The following NPAS3 variants were observed in gnomAD, a reference collection of about 807,000 sequenced individuals.
The protein encoded by NPAS3 is neuronal PAS domain-containing protein 3.
In NPAS3, 14 loss-of-function variants were observed where a neutral mutation model predicts 73.1. That is an observed-to-expected ratio of 0.19 (90% CI 0.13 to 0.30). The LOEUF is 0.30. Among genes scored for constraint, NPAS3 ranks in the 10% least tolerant of loss-of-function variants. The probability of loss-of-function intolerance (pLI) is 1.00; values close to 1 mark genes in which losing one functional copy is unlikely to be tolerated. For synonymous variants in NPAS3, 620 were observed against 541.5 expected (o/e 1.14, Z -2.01); for missense variants, 1,096 against 1,250.0 (o/e 0.88, Z 1.86).
intron 4 of NPAS3, among the ~76,000 whole-genome samples, chr14:33,500,705 T>C (rs2052469851): frequency 6.6e-6 from 1 of 151,972 alleles, no homozygotes; most frequent in Admixed American, 6.6e-5. Context: ...ACCTCTTCAG[T>C]TGTGGGCTCT....
At chr14:33,077,778 T>TTTG (rs2041713634) in intron 2 of NPAS3, among the ~76,000 whole-genome samples, 1 of 147,320 alleles carries the variant, frequency 6.8e-6, no homozygotes, top group Admixed American at 6.8e-5. Context: ...GTAAGGGTTT[T>TTTG]TTTTTTTTTT....
At chr14:33,240,934 G>A (rs934818215) in intron 3 of NPAS3, among the ~76,000 whole-genome samples, 1 of 151,772 alleles carries the variant, frequency 6.6e-6, no homozygotes, top group East Asian at 1.9e-4. Flanking sequence ...TGCCATTTGT[G>A]AATATAATTG....
At chr14:33,215,545 A>C in intron 3 of NPAS3, 119 bp downstream of exon 3, 3 of 1,140,044 alleles carry the variant, frequency 2.6e-6, no homozygotes, top group Non-Finnish European at 4.0e-6. Context: ...AGGGATACAA[A>C]TGTGGAAATC....
chr14:33,533,877 C>T (rs1262825795), intron 4 of NPAS3, among the ~76,000 whole-genome samples: 1 of 151,920 alleles, frequency 6.6e-6, no homozygotes, highest in Non-Finnish European at 1.5e-5. Context: ...ATGTCATATA[C>T]ACATGTATAT....
chr14:33,088,282 T>C (rs565566707), intron 2 of NPAS3, among the ~76,000 whole-genome samples: 1 of 152,322 alleles, frequency 6.6e-6, no homozygotes, highest in South Asian at 2.1e-4. Context: ...GAATTCCCTT[T>C]CCTAGCCAAG....
intron 5 of NPAS3, among the ~76,000 whole-genome samples, chr14:33,560,656 G>C (rs1159659186): frequency 6.6e-6 from 1 of 151,222 alleles, no homozygotes; most frequent in East Asian, 1.9e-4. Flanking sequence ...AAAATGCGTT[G>C]CAGGGAGGGT....
intron 1 of NPAS3, among the ~76,000 whole-genome samples, chr14:33,033,798 A>G (rs1305267640): frequency 1.3e-5 from 2 of 152,220 alleles, no homozygotes; most frequent in Non-Finnish European, 1.5e-5. Flanking sequence ...TTGTTGGTAT[A>G]TTGACATTCC....
At chr14:33,034,961 T>G (rs148957142) in intron 1 of NPAS3, among the ~76,000 whole-genome samples, 4 of 152,314 alleles carry the variant, frequency 2.6e-5, no homozygotes, top group Non-Finnish European at 4.4e-5. Context: ...ATCTGTCAGT[T>G]TATAAGAAGT....
intron 1 of NPAS3, among the ~76,000 whole-genome samples, chr14:32,949,244 A>G (rs1217047885): frequency 1.3e-5 from 2 of 151,976 alleles, no homozygotes; most frequent in East Asian, 3.9e-4. Flanking sequence ...AAGGTCATCT[A>G]ACAGATTTTT....
At chr14:33,486,102 T>G (rs1329843525) in intron 4 of NPAS3, among the ~76,000 whole-genome samples, 1 of 152,142 alleles carries the variant, frequency 6.6e-6, no homozygotes, top group Non-Finnish European at 1.5e-5. Context: ...AGTCCTGCAC[T>G]GTTATACTAA....
At chr14:33,205,574 A>G (rs921755321) in intron 2 of NPAS3, among the ~76,000 whole-genome samples, 5 of 152,190 alleles carry the variant, frequency 3.3e-5, no homozygotes, top group Admixed American at 6.5e-5. Flanking sequence ...AAAAACAGAT[A>G]AGTGAGAGAA....
At chr14:33,475,121 T>A (rs1250191841) in intron 4 of NPAS3, among the ~76,000 whole-genome samples, 2 of 152,072 alleles carry the variant, frequency 1.3e-5, no homozygotes, top group Non-Finnish European at 2.9e-5. Flanking sequence ...AAACATAAAA[T>A]CAGTTCAGGA....
At chr14:33,289,704 C>A (rs2042019521) in intron 3 of NPAS3, among the ~76,000 whole-genome samples, 1 of 151,950 alleles carries the variant, frequency 6.6e-6, no homozygotes, top group African/African-American at 2.4e-5. Context: ...TGACTGTAGA[C>A]CCAGCTATTC....
chr14:33,444,538 A>T (rs1028587144), intron 4 of NPAS3, among the ~76,000 whole-genome samples: 1 of 152,248 alleles, frequency 6.6e-6, no homozygotes, highest in South Asian at 2.1e-4. Flanking sequence ...TTATAAAGAC[A>T]TCTTGGTCTA....
At chr14:33,147,600 T>C (rs1371999881) in intron 2 of NPAS3, among the ~76,000 whole-genome samples, 1 of 150,582 alleles carries the variant, frequency 6.6e-6, no homozygotes, top group East Asian at 2.0e-4. Context: ...GGGGGAGGGA[T>C]AGCATTAGGA....
At chr14:33,410,242 T>C (rs2047862932) in intron 4 of NPAS3, among the ~76,000 whole-genome samples, 1 of 152,294 alleles carries the variant, frequency 6.6e-6, no homozygotes, top group South Asian at 2.1e-4. Flanking sequence ...TACAGTTACA[T>C]TGCAGTGATA....
chr14:33,040,910 A>G lies in NPAS3; in HGVS notation c.51-14995A>G, dbSNP rs181391701. The stretch of plus-strand genomic sequence containing the variant: ...TTCCCCCAAGCACCCGAACTTCTCA[A>G]TGACCCTGTCAGACAGATGGCTTGT... On this transcript the variant is annotated intron_variant, in intron 1 of 11. Transcript: ENST00000356141. Among the ~76,000 whole-genome samples the G allele has an allele frequency of 2.4e-4, 36 of 152,294 alleles. 1 individual carries two copies. Among genetic ancestry groups the G allele is most frequent in the South Asian group, 2.1e-4 (1 of 4,824 alleles).
At chr14:33,205,966 G>A (rs2046806362) in intron 2 of NPAS3, among the ~76,000 whole-genome samples, 1 of 152,134 alleles carries the variant, frequency 6.6e-6, no homozygotes. Context: ...GAATTCCAAA[G>A]CAATTTAGTT....
chr14:33,525,155 G>T (rs1042509587), intron 4 of NPAS3, among the ~76,000 whole-genome samples: 10 of 152,102 alleles, frequency 6.6e-5, no homozygotes, highest in Non-Finnish European at 1.2e-4. Flanking sequence ...AAGGGGATAA[G>T]TATCCTAGTT....
Sources: gnomAD v4.1 joint callset for allele counts (sites outside exome capture counted in the v4.1 genomes callset) on GRCh38, gnomAD v4.1.1 for gene constraint, MANE v1.5 for transcripts, NCBI Gene and HGNC (gene_info 2026-07-23, HGNC 2026-07-21) for gene names.